SEC24D: variants seen among roughly 807,000 people sequenced by gnomAD.
SEC24D encodes protein transport protein Sec24D.
A neutral mutation model predicts 116.9 loss-of-function variants in SEC24D; 69 were observed. The ratio of observed to expected loss-of-function variants is 0.59; its 90% CI spans 0.49 to 0.72. The LOEUF is 0.72. Ranked by LOEUF, SEC24D falls within the 30% of genes least tolerant of loss-of-function variation. The pLI is 0.00. For synonymous variants in SEC24D, 405 were observed against 442.8 expected (o/e 0.91, Z 1.07); for missense variants, 1,131 against 1,264.1 (o/e 0.89, Z 1.60).
rs1216534726 is a variant in SEC24D, at chr4:118,723,563, C to T, written c.3051G>A (p.Val1017=). 4 of 1,613,390 alleles carry T rather than the reference C, an allele frequency of 2.5e-6. No homozygotes were observed. The African/African-American group carries it at 4.0e-5, about 16-fold the overall frequency. The change falls in exon 23 of 23, where the codon GTG becomes GTA. Residue 1017 remains valine (V), a synonymous_variant. Transcript: ENST00000280551. ...CCTTGTGAACACAACAAAGGAAATC[C>T]ACATAAGAAGAGCCTCCGTAAAGTC... ...DKGLYGGSSY[V]DFLCCVHKEI...
At chr4:118,834,468 AAC>A (rs1328749927) in intron 1 of SEC24D, among the ~76,000 whole-genome samples, 2 of 152,068 alleles carry the variant, frequency 1.3e-5, no homozygotes, top group African/African-American at 4.8e-5. Flanking sequence ...TCACAAATAT[AAC>A]AGACTCATCT....
At chr4:118,773,743 CATTT>C (rs1293335879) in intron 8 of SEC24D, among the ~76,000 whole-genome samples, 1 of 152,182 alleles carries the variant, frequency 6.6e-6, no homozygotes, top group Admixed American at 6.5e-5. Context: ...GTATCAACTG[CATTT>C]ATTAAAGACA....
Position 118,817,450 on chromosome 4 carries a change from C to A in SEC24D, c.249-38G>T, listed in dbSNP as rs1730200812. ...AACAGGATGTCAAACAATATCACAG[C>A]GTCTCAAGCAAATGGCGTACAATAA... On this transcript the variant is annotated intron_variant, in intron 3 of 22. Transcript: ENST00000280551. The A allele has an allele frequency of 7.0e-6, 11 of 1,568,614 alleles. No homozygotes were observed. In the East Asian group the frequency reaches 2.5e-4, roughly 36 times the overall value.
intron 10 of SEC24D, among the ~76,000 whole-genome samples, chr4:118,760,239 T>A (rs539179478): frequency 1.3e-5 from 2 of 152,324 alleles, no homozygotes; most frequent in South Asian, 4.1e-4. Flanking sequence ...GCACTCACAA[T>A]GCTGTGCAAC....
chr4:118,783,647 C>T (rs979062701), intron 8 of SEC24D, among the ~76,000 whole-genome samples: 8 of 152,074 alleles, frequency 5.3e-5, no homozygotes, highest in Non-Finnish European at 1.0e-4. Context: ...GGATTATTGT[C>T]CAGATTATGG....
chr4:118,739,543 T>G (rs1726134028), intron 17 of SEC24D, among the ~76,000 whole-genome samples: 1 of 152,222 alleles, frequency 6.6e-6, no homozygotes, highest in Admixed American at 6.5e-5. Context: ...TGTAAATATC[T>G]ATTTCACATT....
intron 2 of SEC24D, among the ~76,000 whole-genome samples, chr4:118,829,736 T>C (rs1730759697): frequency 6.6e-6 from 1 of 151,726 alleles, no homozygotes; most frequent in Non-Finnish European, 1.5e-5. Context: ...CGCTTGAACC[T>C]GGGAGGCGGA....
At chr4:118,738,104 C>A in intron 19 of SEC24D, 157 bp downstream of exon 19, 4 of 529,710 alleles carry the variant, frequency 7.6e-6, no homozygotes, top group African/African-American at 2.0e-5. Context: ...AAAAAAACCA[C>A]AGCCCCCCCA....
intron 14 of SEC24D, 83 bp downstream of exon 14, chr4:118,744,861 C>CT: frequency 1.3e-6 from 1 of 755,380 alleles, no homozygotes; most frequent in Non-Finnish European, 2.3e-6. Context: ...AGTTTCTCCC[C>CT]TTTTTTCTTA....
chr4:118,826,496 AT>A lies in SEC24D; in HGVS notation c.119-1748del, dbSNP rs1172145160. ...GCAACATAATTACAAGCACATTTATATTTTCATTTTAAAAACATTATTTTGG... is the reference window on the plus strand; with the variant it reads ...GCAACATAATTACAAGCACATTTATATTTCATTTTAAAAACATTATTTTGG... On this transcript the variant is annotated intron_variant, in intron 2 of 22. Transcript: ENST00000280551. Among the ~76,000 whole-genome samples the A allele has an allele frequency of 2.0e-5, 3 of 152,268 alleles. No individual in the cohort carries two copies. The East Asian group carries it at 5.8e-4, about 29-fold the overall frequency.
At chr4:118,776,175 T>G (rs1302615884) in intron 8 of SEC24D, among the ~76,000 whole-genome samples, 1 of 152,048 alleles carries the variant, frequency 6.6e-6, no homozygotes, top group Non-Finnish European at 1.5e-5. Context: ...CAGAGAAGTC[T>G]CCTCTGGAAT....
intron 10 of SEC24D, 30 bp downstream of exon 10, chr4:118,764,772 A>G (rs754259347): frequency 1.7e-6 from 2 of 1,193,100 alleles, no homozygotes; most frequent in South Asian, 1.2e-5. Context: ...ACATCAATGT[A>G]TAAACACTTG....
chr4:118,817,380 G>C lies in SEC24D; in HGVS notation c.281C>G (p.Ala94Gly). ...FPGPPPVNNV[A>G]SSHAPYQPSA... ...GGGTTGGTATGGTGCATGTGAGGATGCCACATTGTTGACAGGTGGAGGGCC... is the reference window on the plus strand; with the variant it reads ...GGGTTGGTATGGTGCATGTGAGGATCCCACATTGTTGACAGGTGGAGGGCC... The change falls in exon 4 of 23, where the codon GCA (alanine) becomes GGA (glycine). Residue 94 changes from alanine to glycine, a missense_variant. Ala to Gly is a moderately conservative substitution (Grantham distance 60). Transcript: ENST00000280551. 1 of 1,612,068 alleles carries C rather than the reference G, an allele frequency of 6.2e-7. No homozygotes were observed. The highest frequency in any genetic ancestry group is 8.5e-7 in the Non-Finnish European group (1 of 1,179,046).
At position 118,790,724 on chromosome 4, in the gene SEC24D, ATT is replaced by A. The variant is rs1728859033; in HGVS notation, c.1041+6957_1041+6958del. Among the ~76,000 whole-genome samples, 6 of 151,950 alleles carry A rather than the reference ATT, an allele frequency of 3.9e-5. No homozygotes were observed. The South Asian group carries it at 1.3e-3, about 32-fold the overall frequency. On this transcript the variant is annotated intron_variant, in intron 8 of 22. Transcript: ENST00000280551. ...CGTCCAAACCGCTTGGGTTAGGTTT[ATT>A]TTTATAGGCCGTTGCTAACACAATA...
At chr4:118,782,367 C>T (rs1728454121) in intron 8 of SEC24D, among the ~76,000 whole-genome samples, 1 of 152,186 alleles carries the variant, frequency 6.6e-6, no homozygotes, top group Non-Finnish European at 1.5e-5. Flanking sequence ...TTGGAGTTTG[C>T]TGGAGGTCCA....
chr4:118,741,048 A>G lies in SEC24D; in HGVS notation c.1996-11T>C. The G allele has an allele frequency of 6.7e-7, 1 of 1,482,784 alleles. No individual in the cohort carries two copies. The highest frequency in any genetic ancestry group is 9.2e-7 in the Non-Finnish European group (1 of 1,083,296). 91.9% of individuals were successfully genotyped at this position (1,482,784 alleles called of 1,614,324 possible). ...TCTATCCAAGTGCATCTAAAAAATA[A>G]AAGTCTAATCAATGTCCACCAGATG... is the stretch of plus-strand genomic sequence containing the variant. On this transcript the variant is annotated splice_polypyrimidine_tract_variant and intron_variant, in intron 15 of 22. Transcript: ENST00000280551.
chr4:118,756,013 C>A (rs968503236), intron 11 of SEC24D, among the ~76,000 whole-genome samples: 3 of 152,096 alleles, frequency 2.0e-5, no homozygotes, highest in Admixed American at 6.6e-5. Flanking sequence ...CTTATATCAA[C>A]AGGCTATTAG....
chr4:118,734,332 C>G (rs1295107160), intron 19 of SEC24D, among the ~76,000 whole-genome samples: 2 of 151,838 alleles, frequency 1.3e-5, no homozygotes, highest in African/African-American at 2.4e-5. Flanking sequence ...CCTGCCTCAG[C>G]CTCCTGAGTA....
At chr4:118,773,755 A>G (rs1321046207) in intron 8 of SEC24D, among the ~76,000 whole-genome samples, 1 of 152,224 alleles carries the variant, frequency 6.6e-6, no homozygotes, top group Non-Finnish European at 1.5e-5. Flanking sequence ...TTTATTAAAG[A>G]CATTTCCATG....
Sources: allele counts gnomAD v4.1 joint callset (sites outside exome capture counted in the v4.1 genomes callset), GRCh38; gene constraint gnomAD v4.1.1; transcripts MANE v1.5; gene names NCBI Gene and HGNC (gene_info 2026-07-23, HGNC 2026-07-21).